Variants in CTNNA3 observed in about 807,000 individuals in gnomAD.
The protein encoded by CTNNA3 is catenin alpha 3.
CTNNA3 carries 76 observed loss-of-function variants against 95.7 expected under a neutral mutation model. The ratio of observed to expected loss-of-function variants is 0.79; its 90% CI spans 0.66 to 0.96. The LOEUF (loss-of-function observed/expected upper bound fraction) is 0.96, where lower values mean the gene tolerates loss of function less well. Among genes scored for constraint, CTNNA3 ranks in the 40% least tolerant of loss-of-function variants. The pLI, the probability that CTNNA3 is intolerant of heterozygous loss-of-function variation, is 0.00. For missense variants in CTNNA3, 1,191 were observed against 1,089.8 expected, an observed-to-expected ratio of 1.09 and a Z score of -1.31; for synonymous variants, 431 against 374.4, an observed-to-expected ratio of 1.15 and a Z score of -1.74.
intron 12 of CTNNA3, among the ~76,000 whole-genome samples, chr10:66,290,341 T>C (rs1231813545): frequency 6.6e-6 from 1 of 152,024 alleles, no homozygotes; most frequent in Non-Finnish European, 1.5e-5. Context: ...AGCAATTAAG[T>C]ATAAAATTGA....
chr10:66,747,497 TA>T (rs1838933540), intron 9 of CTNNA3, among the ~76,000 whole-genome samples: 2 of 152,204 alleles, frequency 1.3e-5, no homozygotes, highest in African/African-American at 4.8e-5. Flanking sequence ...CAGGTAGCTT[TA>T]TAGCTGTGAA....
chr10:66,535,027 T>C (rs957195422), intron 10 of CTNNA3, among the ~76,000 whole-genome samples: 2 of 152,150 alleles, frequency 1.3e-5, no homozygotes, highest in African/African-American at 2.4e-5. Flanking sequence ...CTGGAGTCCT[T>C]AATTGCTGAT....
chr10:66,719,101 C>T (rs189312056), intron 9 of CTNNA3, among the ~76,000 whole-genome samples: 1 of 152,242 alleles, frequency 6.6e-6, no homozygotes, highest in East Asian at 1.9e-4. Context: ...CACTTTGATT[C>T]CTCAAGCCAA....
intron 5 of CTNNA3, among the ~76,000 whole-genome samples, chr10:67,438,380 G>A (rs74440837): frequency 4.6e-5 from 7 of 152,252 alleles, no homozygotes; most frequent in Middle Eastern, 3.4e-3. Flanking sequence ...CATCTGCTCC[G>A]TGAAGGCAGT....
chr10:67,495,108 C>T (rs974834004), intron 5 of CTNNA3, among the ~76,000 whole-genome samples: 20 of 152,176 alleles, frequency 1.3e-4, no homozygotes, highest in Admixed American at 6.5e-5. Flanking sequence ...TTGTCTCCCA[C>T]CTGGCTATGG....
intron 11 of CTNNA3, among the ~76,000 whole-genome samples, chr10:66,506,103 G>A (rs1184806931): frequency 1.3e-5 from 2 of 152,068 alleles, no homozygotes; most frequent in Non-Finnish European, 2.9e-5. Flanking sequence ...AGGGTGCGGG[G>A]TGCCAGGCTC....
chr10:66,524,703 A>G (rs1841188553), intron 10 of CTNNA3, among the ~76,000 whole-genome samples: 1 of 152,182 alleles, frequency 6.6e-6, no homozygotes. Flanking sequence ...AACTAGAGCC[A>G]AAGTGCAAGG....
chr10:67,493,214 A>G (rs1014956602), intron 5 of CTNNA3, among the ~76,000 whole-genome samples: 9 of 151,134 alleles, frequency 6.0e-5, no homozygotes, highest in African/African-American at 1.5e-4. Flanking sequence ...CGTGGGGGAA[A>G]AAAAAAAAAA....
intron 7 of CTNNA3, among the ~76,000 whole-genome samples, chr10:66,777,293 C>T (rs1412569824): frequency 6.6e-6 from 1 of 151,726 alleles, no homozygotes; most frequent in Non-Finnish European, 1.5e-5. Context: ...CAGCTGCCTC[C>T]TATAGGAAGA....
At chr10:67,323,149 G>A (rs1215137418) in intron 5 of CTNNA3, among the ~76,000 whole-genome samples, 2 of 151,822 alleles carry the variant, frequency 1.3e-5, no homozygotes, top group African/African-American at 4.8e-5. Context: ...TGCTAAAATT[G>A]CCTCCCATTC....
At chr10:66,361,794 C>A (rs141397108) in intron 12 of CTNNA3, among the ~76,000 whole-genome samples, 2 of 151,916 alleles carry the variant, frequency 1.3e-5, no homozygotes, top group African/African-American at 4.8e-5. Flanking sequence ...TTCCTCAGCC[C>A]CCCAAAGTGC....
At chr10:67,441,970 C>A (rs1466017996) in intron 5 of CTNNA3, among the ~76,000 whole-genome samples, 1 of 152,054 alleles carries the variant, frequency 6.6e-6, no homozygotes, top group African/African-American at 2.4e-5. Context: ...ATGAACCAAT[C>A]AAAAATAATT....
chr10:66,932,713 AATAC>A (rs1182097002), intron 7 of CTNNA3, among the ~76,000 whole-genome samples: 2 of 152,120 alleles, frequency 1.3e-5, no homozygotes, highest in East Asian at 3.9e-4. Flanking sequence ...AAATAATAAT[AATAC>A]ATAGGTGAAA....
chr10:66,072,868 T>G (rs2080470302), intron 14 of CTNNA3, among the ~76,000 whole-genome samples: 1 of 152,164 alleles, frequency 6.6e-6, no homozygotes, highest in South Asian at 2.1e-4. Context: ...GGAAATAAAA[T>G]TGTAAGTACT....
intron 7 of CTNNA3, among the ~76,000 whole-genome samples, chr10:66,845,725 A>AAAAAAAAAAAAAAAAAAAAAAAC (rs1160996707): frequency 5.0e-5 from 5 of 100,340 alleles, no homozygotes; most frequent in African/African-American, 6.8e-5. Flanking sequence ...AAAAAAAAAA[A>AAAAAAAAAAAAAAAAAAAAAAAC]AAAACTAAAA....
intron 6 of CTNNA3, among the ~76,000 whole-genome samples, chr10:67,206,047 C>G (rs1203445596): frequency 6.6e-6 from 1 of 152,138 alleles, no homozygotes; most frequent in East Asian, 1.9e-4. Context: ...AAGGCAGGAG[C>G]CTAACTTTGG....
intron 12 of CTNNA3, among the ~76,000 whole-genome samples, chr10:66,349,327 T>C (rs771469152): frequency 7.2e-5 from 11 of 152,048 alleles, no homozygotes; most frequent in Non-Finnish European, 1.3e-4. Flanking sequence ...CACAGCCCTG[T>C]CTGACACCTT....
rs776509226 is a variant in CTNNA3 at position 66,775,424 on chromosome 10, A to C, written c.1128+20T>G. ...ATTTAGCCCCTATGTTTCTGACTCC[A>C]TATCTCTCTCTTCCCTCACCTGTCT... On this transcript the variant is annotated intron_variant, in intron 8 of 17. Coordinates refer to ENST00000433211, the MANE Select transcript of CTNNA3 (RefSeq NM_013266.4). 6.4e-7 allele frequency: 1 copy of C among 1,553,178 alleles called. No homozygotes were observed. The highest frequency in any genetic ancestry group is 8.8e-7 in the Non-Finnish European group (1 of 1,132,738).
intron 3 of CTNNA3, among the ~76,000 whole-genome samples, chr10:67,574,207 G>A (rs1275891604): frequency 1.3e-5 from 2 of 152,130 alleles, no homozygotes; most frequent in Non-Finnish European, 2.9e-5. Flanking sequence ...GAGGAAGCAG[G>A]TTTGATTTTA....
Sources: allele counts gnomAD v4.1 joint callset (sites outside exome capture counted in the v4.1 genomes callset), GRCh38; gene constraint gnomAD v4.1.1; transcripts MANE v1.5; gene names NCBI Gene and HGNC (gene_info 2026-07-23, HGNC 2026-07-21).